The following UBR3 variants were observed in gnomAD, a reference collection of about 807,000 sequenced individuals.
UBR3 encodes the protein ubiquitin protein ligase E3 component n-recognin 3.
A neutral mutation model predicts 243.2 loss-of-function variants in UBR3; 85 were observed. The observed-to-expected ratio is 0.35, with a 90% CI of 0.29 to 0.42. The LOEUF (loss-of-function observed/expected upper bound fraction) is 0.42. Among genes scored for constraint, UBR3 ranks in the 10% least tolerant of loss-of-function variants. UBR3 has a pLI of 1.00. For synonymous variants in UBR3, 748 were observed against 799.8 expected (o/e 0.94, Z 1.09); for missense variants, 1,686 against 2,300.8 (o/e 0.73, Z 5.47).
chr2:169,945,381 A>C (rs1197181861), intron 20 of UBR3, among the ~76,000 whole-genome samples: 1 of 152,182 alleles, frequency 6.6e-6, no homozygotes, highest in Non-Finnish European at 1.5e-5. Flanking sequence ...AAAACATGAG[A>C]GAGTCAGTGA....
chr2:169,927,371 T>A lies in UBR3; in HGVS notation c.2390T>A (p.Met797Lys). ...GCCGAGATGGTAGCCCAGCTGTGTA[T>A]GAATGACAGGACACACAGTTCATTG... ...LRAEMVAQLC[M>K]NDRTHSSLLD... Residue 797 changes from methionine to lysine, a missense_variant, in exon 17 of 39, where the codon ATG becomes AAG. Met to Lys is a moderately conservative substitution (Grantham distance 95). Around this residue, in one of 8 missense-constraint regions of UBR3, gnomAD observed 346 missense variants for 585.8 expected, o/e 0.59. Coordinates refer to ENST00000272793, the MANE Select transcript of UBR3 (RefSeq NM_172070.4). 6.4e-7 allele frequency: 1 copy of A among 1,551,040 alleles called. No homozygotes were observed. The highest frequency in any genetic ancestry group is 8.7e-7 in the Non-Finnish European group (1 of 1,146,704).
Position 170,056,437 on chromosome 2 carries a change from CTAAATG to C in UBR3, c.4785+859_4785+864del, listed in dbSNP as rs537567408. On this transcript the variant is annotated intron_variant, in intron 33 of 38. Transcript: ENST00000272793. The stretch of plus-strand genomic sequence containing the variant: ...ATGCAAACTATTTAGAAAAATTATG[CTAAATG>C]TAAATACTTTCAGTAGCTTGAGAAC... Among the ~76,000 whole-genome samples, 36 of 152,190 alleles carry C rather than the reference CTAAATG, an allele frequency of 2.4e-4. No individual in the cohort carries two copies. In the South Asian group the frequency reaches 7.5e-3, roughly 32 times the overall value.
intron 19 of UBR3, among the ~76,000 whole-genome samples, chr2:169,941,359 T>G (rs1323432090): frequency 1.4e-4 from 21 of 152,182 alleles, no homozygotes; most frequent in Admixed American, 1.4e-3. Flanking sequence ...ATTTATAAAT[T>G]AGAGATAGTG....
intron 1 of UBR3, among the ~76,000 whole-genome samples, chr2:169,838,945 T>G (rs2105282513): frequency 6.6e-6 from 1 of 152,336 alleles, no homozygotes; most frequent in South Asian, 2.1e-4. Flanking sequence ...GTACAGCCAC[T>G]GTGGAGAACA....
intron 30 of UBR3, among the ~76,000 whole-genome samples, chr2:170,027,373 T>A (rs2105420756): frequency 6.6e-6 from 1 of 151,562 alleles, no homozygotes; most frequent in South Asian, 2.1e-4. Context: ...GTACTTCCTT[T>A]CTCTGGACAT....
chr2:169,868,277 A>T (rs1238283583), intron 1 of UBR3, among the ~76,000 whole-genome samples: 1 of 152,144 alleles, frequency 6.6e-6, no homozygotes, highest in Admixed American at 6.5e-5. Flanking sequence ...CAGGTCCCAT[A>T]TATTAGAGCG....
At chr2:169,881,492 CT>C (rs2105316612) in intron 5 of UBR3, among the ~76,000 whole-genome samples, 1 of 151,324 alleles carries the variant, frequency 6.6e-6, no homozygotes, top group East Asian at 1.9e-4. Context: ...GAAAGCTAAA[CT>C]TTTTATAGTT....
intron 33 of UBR3, among the ~76,000 whole-genome samples, chr2:170,059,550 C>T (rs1574464704): frequency 6.6e-6 from 1 of 152,230 alleles, no homozygotes; most frequent in South Asian, 2.1e-4. Context: ...ATTTTAAAAA[C>T]ATGATACATT....
chr2:169,951,992 T>C (rs936523209), intron 23 of UBR3, among the ~76,000 whole-genome samples: 11 of 152,148 alleles, frequency 7.2e-5, no homozygotes, highest in African/African-American at 2.7e-4. Flanking sequence ...TTCTGGACGC[T>C]ACTAAGTTTA....
intron 8 of UBR3, among the ~76,000 whole-genome samples, chr2:169,899,394 C>A (rs1291226047): frequency 6.6e-6 from 1 of 151,986 alleles, no homozygotes; most frequent in African/African-American, 2.4e-5. Context: ...ATTGCTTTTT[C>A]TTTTTTCCTT....
chr2:169,940,166 T>C (rs1264841310), intron 19 of UBR3, among the ~76,000 whole-genome samples: 2 of 152,162 alleles, frequency 1.3e-5, no homozygotes, highest in African/African-American at 2.4e-5. Flanking sequence ...TTGGGAACAT[T>C]ACAGTTCTTC....
At chr2:170,005,089 T>C (rs1037221346) in intron 27 of UBR3, among the ~76,000 whole-genome samples, 1 of 152,096 alleles carries the variant, frequency 6.6e-6, no homozygotes, top group Non-Finnish European at 1.5e-5. Flanking sequence ...CCGGGCGCTG[T>C]GGCGGGTGCC....
chr2:170,021,158 C>A (rs940187943), intron 30 of UBR3, among the ~76,000 whole-genome samples: 1 of 152,086 alleles, frequency 6.6e-6, no homozygotes, highest in African/African-American at 2.4e-5. Context: ...AATATATATT[C>A]TAGTTTCTAT....
chr2:169,914,284 G>C (rs1466180747), intron 11 of UBR3, 138 bp downstream of exon 11: 4 of 409,388 alleles, frequency 9.8e-6, no homozygotes, highest in Non-Finnish European at 4.1e-6. Context: ...ATATTATTAG[G>C]CTTTGAAAAA....
chr2:169,991,014 G>A (rs2089252848), intron 25 of UBR3, among the ~76,000 whole-genome samples: 1 of 152,120 alleles, frequency 6.6e-6, no homozygotes, highest in African/African-American at 2.4e-5. Flanking sequence ...AAAGTGAAAG[G>A]ATGGGAAAAG....
chr2:169,884,907 G>A (rs2105319814), intron 5 of UBR3, among the ~76,000 whole-genome samples: 1 of 152,310 alleles, frequency 6.6e-6, no homozygotes, highest in South Asian at 2.1e-4. Flanking sequence ...AGATTAAGGT[G>A]AAAATAGATG....
In UBR3 at chr2:169,949,694, TC is replaced by T; in HGVS notation, c.3175del (p.Gln1059ArgfsTer20). 1 of 1,551,542 alleles carries T rather than the reference TC, an allele frequency of 6.4e-7. No individual in the cohort carries two copies. The highest frequency in any genetic ancestry group is 8.7e-7 in the Non-Finnish European group (1 of 1,146,724). On this transcript the variant is annotated frameshift_variant, in exon 23 of 39. Transcript: ENST00000272793. LOFTEE classifies it high-confidence loss of function. ...TCAATCGCAGTAGCAGTGAAGCAAA[TC>T]AGGTGGTTCGTCCCAAAACTTCAAG... The part of the protein sequence containing the change: ...IINRSSSEAN[Q>X]VVRPKTSSKW...
chr2:170,018,992 A>G (rs1460364280), intron 30 of UBR3, among the ~76,000 whole-genome samples: 1 of 152,172 alleles, frequency 6.6e-6, no homozygotes, highest in African/African-American at 2.4e-5. Context: ...CATTTGATAA[A>G]TTATTAATAT....
chr2:169,858,179 A>G (rs950474982), intron 1 of UBR3, among the ~76,000 whole-genome samples: 4 of 152,298 alleles, frequency 2.6e-5, no homozygotes, highest in Admixed American at 6.5e-5. Context: ...ATAAAAATCT[A>G]AGTTGGCACT....
Sources: allele counts gnomAD v4.1 joint callset (sites outside exome capture counted in the v4.1 genomes callset), GRCh38; gene constraint gnomAD v4.1.1; regional missense constraint gnomAD v4.1.1; transcripts MANE v1.5; gene names NCBI Gene and HGNC (gene_info 2026-07-23, HGNC 2026-07-21).